The following TES variants were observed in gnomAD, a reference collection of about 807,000 sequenced individuals.
TES encodes the protein testin.
TES carries 41 observed loss-of-function variants against 48.2 expected under a neutral mutation model. The observed-to-expected ratio is 0.85, with a 90% CI of 0.66 to 1.10. TES has a LOEUF of 1.10. Among genes scored for constraint, TES ranks in the 50% least tolerant of loss-of-function variants. TES has a pLI of 0.00. For missense variants in TES, 463 were observed against 515.1 expected (o/e 0.90, Z 0.98); for synonymous variants, 162 against 174.9 (o/e 0.93, Z 0.58).
chr7:116,253,406 C>A (rs1188451457), intron 6 of TES, among the ~76,000 whole-genome samples: 1 of 152,282 alleles, frequency 6.6e-6, no homozygotes, highest in African/African-American at 2.4e-5. Flanking sequence ...TAATTACAAC[C>A]ATTCTACTTT....
intron 2 of TES, among the ~76,000 whole-genome samples, chr7:116,236,751 A>G (rs559108967): frequency 6.6e-6 from 1 of 152,330 alleles, no homozygotes; most frequent in African/African-American, 2.4e-5. Flanking sequence ...ATATTTTCAG[A>G]TGAAAATATA....
At chr7:116,238,749 G>A (rs968239092) in intron 2 of TES, among the ~76,000 whole-genome samples, 3 of 151,892 alleles carry the variant, frequency 2.0e-5, no homozygotes, top group Non-Finnish European at 2.9e-5. Context: ...ACAGGCGCCC[G>A]CCACCACGCC....
At chr7:116,234,692 T>C in intron 2 of TES, 73 bp downstream of exon 2, 3 of 1,217,486 alleles carry the variant, frequency 2.5e-6, no homozygotes, top group Non-Finnish European at 3.6e-6. Flanking sequence ...AGTGGAGATA[T>C]CTTCGAGTTC....
chr7:116,249,216 G>A lies in TES; in HGVS notation c.310G>A (p.Val104Ile). Residue 104 changes from valine to isoleucine, a missense_variant, in exon 3 of 7, where the codon GTC becomes ATC. By Grantham distance (29) the Val-to-Ile change is conservative. Transcript: ENST00000358204. ...GAATCCAGTTGCTGCCAAGAAGAAT[G>A]TCTCCATCAATACAGTTACCTATGA... is the stretch of plus-strand genomic sequence containing the variant. ...LTNPVAAKKN[V>I]SINTVTYEWA... is the part of the protein sequence containing the mutation. 6.2e-7 allele frequency: 1 copy of A among 1,614,042 alleles called. No homozygotes were observed. The highest frequency in any genetic ancestry group is 8.5e-7 in the Non-Finnish European group (1 of 1,179,960).
chr7:116,254,758 A>ATATGTG lies in TES; in HGVS notation c.1077+2283_1077+2284insATGTGT, dbSNP rs1471883193. Among the ~76,000 whole-genome samples the ATATGTG allele has an allele frequency of 1.5e-4, 18 of 116,804 alleles. No individual in the cohort carries two copies. In the South Asian group the frequency reaches 4.9e-3, roughly 32 times the overall value. The allele number at this position is 116,804 out of a possible 152,430, so 76.6% of individuals were successfully genotyped here. On this transcript the variant is annotated intron_variant, in intron 6 of 6. Transcript: ENST00000358204. ...TCCGTCTCAAAAAAAATATATATAT[A>ATATGTG]TGTGTGTGTGTGTGTGTGTGTGTGT... is the stretch of plus-strand genomic sequence containing the variant.
Position 116,213,214 on chromosome 7 carries a change from C to T in TES, c.27+2480C>T, listed in dbSNP as rs79249213. On this transcript the variant is annotated intron_variant, in intron 1 of 6. Transcript: ENST00000358204. ...AGACTATCTGATTTACCAGCAGAGT[C>T]CTCACCCTATTTTGGTACCTAGTTT... Among the ~76,000 whole-genome samples the T allele has an allele frequency of 6.5e-3, 990 of 152,244 alleles. 15 individuals carry two copies. Among genetic ancestry groups the T allele is most frequent in the African/African-American group, 0.023 (955 of 41,546 alleles).
intron 2 of TES, among the ~76,000 whole-genome samples, chr7:116,246,667 C>G (rs1376827979): frequency 6.6e-6 from 1 of 152,120 alleles, no homozygotes; most frequent in South Asian, 2.1e-4. Flanking sequence ...TCTTTATACC[C>G]AATACTAGAG....
chr7:116,210,823 C>A, intron 1 of TES, 89 bp downstream of exon 1: 1 of 1,140,514 alleles, frequency 8.8e-7, no homozygotes, highest in Non-Finnish European at 1.1e-6. Context: ...GTGGGTGGGG[C>A]TCGCGGGCCC....
intron 6 of TES, among the ~76,000 whole-genome samples, chr7:116,256,530 T>C (rs1800100948): frequency 6.6e-6 from 1 of 152,254 alleles, no homozygotes; most frequent in South Asian, 2.1e-4. Flanking sequence ...TTTTCTGCTA[T>C]AACATAGGTT....
At chr7:116,225,821 T>G (rs1051289911) in intron 1 of TES, among the ~76,000 whole-genome samples, 2 of 152,250 alleles carry the variant, frequency 1.3e-5, no homozygotes, top group Non-Finnish European at 2.9e-5. Flanking sequence ...ATTCTATTTT[T>G]AAAACTGATT....
intron 6 of TES, chr7:116,252,871 A>T: frequency 5.3e-6 from 1 of 189,948 alleles, no homozygotes; most frequent in South Asian, 1.0e-4. Flanking sequence ...TTATTGGACC[A>T]CCCACTGGAA....
chr7:116,227,081 CT>C (rs1223116131), intron 1 of TES, among the ~76,000 whole-genome samples: 2 of 149,046 alleles, frequency 1.3e-5, no homozygotes, highest in African/African-American at 2.5e-5. Context: ...GTAACCTACA[CT>C]TTTTATTTTA....
At chr7:116,254,330 T>TTTAGC (rs985653750) in intron 6 of TES, among the ~76,000 whole-genome samples, 1 of 151,998 alleles carries the variant, frequency 6.6e-6, no homozygotes, top group African/African-American at 2.4e-5. Flanking sequence ...TTTTCTTTTT[T>TTTAGC]TAGCTGTTAC....
intron 6 of TES, among the ~76,000 whole-genome samples, chr7:116,253,615 T>A (rs1255185995): frequency 6.6e-6 from 1 of 152,202 alleles, no homozygotes; most frequent in African/African-American, 2.4e-5. Context: ...ACGCAAATCA[T>A]ACATTTCCAC....
At chr7:116,230,476 C>T (rs1386560504) in intron 1 of TES, among the ~76,000 whole-genome samples, 1 of 152,228 alleles carries the variant, frequency 6.6e-6, no homozygotes, top group Non-Finnish European at 1.5e-5. Flanking sequence ...GCCAATTTCT[C>T]AAGTTACTGC....
chr7:116,242,613 A>G (rs1799865094), intron 2 of TES, among the ~76,000 whole-genome samples: 1 of 152,182 alleles, frequency 6.6e-6, no homozygotes, highest in Non-Finnish European at 1.5e-5. Context: ...AAGAAAATTC[A>G]GAATACAACA....
chr7:116,226,897 A>G (rs952529614), intron 1 of TES, among the ~76,000 whole-genome samples: 5 of 152,164 alleles, frequency 3.3e-5, no homozygotes, highest in Non-Finnish European at 7.3e-5. Context: ...GCCTTGAGTA[A>G]GTGAGAGATG....
chr7:116,252,731 TA>T (rs538142420), intron 6 of TES: 5 of 488,712 alleles, frequency 1.0e-5, no homozygotes, highest in Admixed American at 6.6e-5. Context: ...AATCCTCACT[TA>T]AAAAAATTCT....
intron 6 of TES, among the ~76,000 whole-genome samples, chr7:116,256,534 A>G (rs975692598): frequency 6.6e-6 from 1 of 152,244 alleles, no homozygotes; most frequent in South Asian, 2.1e-4. Context: ...CTGCTATAAC[A>G]TAGGTTATTT....
Sources: allele counts gnomAD v4.1 joint callset (sites outside exome capture counted in the v4.1 genomes callset), GRCh38; gene constraint gnomAD v4.1.1; transcripts MANE v1.5; gene names NCBI Gene and HGNC (gene_info 2026-07-23, HGNC 2026-07-21).